The following PIK3C2B variants were observed in gnomAD, a reference collection of about 807,000 sequenced individuals.
PIK3C2B encodes phosphatidylinositol 4-phosphate 3-kinase C2 domain-containing subunit beta.
A neutral mutation model predicts 184.3 loss-of-function variants in PIK3C2B; 83 were observed. The ratio of observed to expected loss-of-function variants is 0.45; its 90% CI spans 0.38 to 0.54. The LOEUF is 0.54. PIK3C2B is among the 20% of genes least tolerant of loss of function. The pLI is 0.00. For synonymous variants in PIK3C2B, 779 were observed against 837.6 expected, an observed-to-expected ratio of 0.93 and a Z score of 1.21; for missense variants, 1,736 against 2,113.5, an observed-to-expected ratio of 0.82 and a Z score of 3.50.
rs1654136749 is a variant in PIK3C2B, at chr1:204,449,211, G to A, written c.2320C>T (p.His774Tyr). ...TGCAGGATGACACTGTCTGGCTGGT[G>A]GAAATTAGGTGCACTCCAACGGGCG... The part of the protein sequence containing the change: ...PSARWSAPNF[H>Y]QPDSVILQID... The change falls in exon 14 of 33, where the codon CAC (histidine) becomes TAC (tyrosine). Residue 774 changes from histidine (H) to tyrosine (Y), a missense_variant. His to Tyr is a moderately conservative substitution (Grantham distance 83, BLOSUM62 2). Around this residue, in one of 8 missense-constraint regions of PIK3C2B, gnomAD observed 609 missense variants for 699.2 expected, o/e 0.87. Transcript: ENST00000684373. The A allele has an allele frequency of 6.2e-7, 1 of 1,612,410 alleles. No homozygotes were observed. The highest frequency in any genetic ancestry group is 8.5e-7 in the Non-Finnish European group (1 of 1,179,534).
In PIK3C2B at chr1:204,446,735, G is replaced by C. The variant is rs373996517; in HGVS notation, c.2490-591C>G. Among the ~76,000 whole-genome samples, 105 of 152,296 alleles carry C rather than the reference G, an allele frequency of 6.9e-4. 2 individuals carry two copies. The South Asian group carries it at 0.021, about 30-fold the overall frequency. Reference sequence around the variant, plus strand: ...TAATGAAGTGTAGTCGGCAGAGTGGGGGAAGGGAGGTCTGCGGTCGCTCAG... The same window carrying C: ...TAATGAAGTGTAGTCGGCAGAGTGGCGGAAGGGAGGTCTGCGGTCGCTCAG... On this transcript the variant is annotated intron_variant, in intron 15 of 32. Coordinates refer to ENST00000684373, the MANE Select transcript of PIK3C2B (RefSeq NM_001377334.1).
intron 2 of PIK3C2B, among the ~76,000 whole-genome samples, chr1:204,466,230 G>A (rs1284757508): frequency 6.6e-6 from 1 of 152,216 alleles, no homozygotes; most frequent in African/African-American, 2.4e-5. Context: ...GGCCACACCA[G>A]GGACGAGGCT....
rs55740285 is a variant in PIK3C2B at position 204,437,517 on chromosome 1, A to ACAAC, written c.3516+1417_3516+1418insGTTG. 1.5e-3 allele frequency among the ~76,000 whole-genome samples: 220 copies of ACAAC among 151,474 alleles called. 2 individuals carry two copies. In the Middle Eastern group the frequency reaches 0.034, roughly 23 times the overall value. ...TCTCAAAACAACAACAACAACAACA[A>ACAAC]AACACCTCTGAAATCAAGCAGAGGC... On this transcript the variant is annotated intron_variant, in intron 23 of 32. Coordinates refer to ENST00000684373, the MANE Select transcript of PIK3C2B (RefSeq NM_001377334.1).
chr1:204,431,756 T>C lies in PIK3C2B; in HGVS notation c.4193A>G (p.Glu1398Gly). 6.2e-7 allele frequency: 1 copy of C among 1,614,182 alleles called. No individual in the cohort carries two copies. The highest frequency in any genetic ancestry group is 1.1e-5 in the South Asian group (1 of 91,082). The change falls in exon 28 of 33, where the codon GAG (glutamate) becomes GGG (glycine). Residue 1398 changes from glutamate to glycine, a missense_variant. Glu to Gly is a moderately conservative substitution (Grantham distance 98). Around this residue, in one of 8 missense-constraint regions of PIK3C2B, gnomAD observed 200 missense variants for 199.1 expected, o/e 1.00. Transcript: ENST00000684373. Reference sequence around the variant, plus strand: ...AAAGGTCCGCTGGATGTAGGTGGCCTCGTGAGTGTTCTCTCGCATCACCTT... The same window carrying C: ...AAAGGTCCGCTGGATGTAGGTGGCCCCGTGAGTGTTCTCTCGCATCACCTT... The part of the protein sequence containing the change: ...VVKVMRENTH[E>G]ATYIQRTFEE...
At position 204,433,565 on chromosome 1, in the gene PIK3C2B, GCTGGAGGGCCACAGGAA is replaced by G. The variant is rs1160160286; in HGVS notation, c.3844-157_3844-141del. 2.8e-6 allele frequency: 2 copies of G among 711,194 alleles called. No homozygotes were observed. Among genetic ancestry groups the G allele is most frequent in the African/African-American group, 3.6e-5 (2 of 56,336 alleles). The allele number at this position is 711,194 out of a possible 1,614,324, so 44.1% of individuals were successfully genotyped here. Reference sequence around the variant, plus strand: ...TGGTAGACAGATGCTGTGGGCAGTGGCTGGAGGGCCACAGGAACTGAAGGGCTGGAGCAGGGAGTCAG... The same window carrying G: ...TGGTAGACAGATGCTGTGGGCAGTGGCTGAAGGGCTGGAGCAGGGAGTCAG... On this transcript the variant is annotated intron_variant, in intron 25 of 32. Transcript: ENST00000684373. The surrounding 1 kb of genome is among the most constrained non-coding windows in gnomAD (Gnocchi z 5.0).
At chr1:204,436,003 C>T (rs1351128781) in intron 23 of PIK3C2B, among the ~76,000 whole-genome samples, 1 of 152,184 alleles carries the variant, frequency 6.6e-6, no homozygotes, top group Non-Finnish European at 1.5e-5. Context: ...TAAATGAATC[C>T]TATTTTGGCT....
chr1:204,477,281 G>A lies in PIK3C2B; in HGVS notation c.-84-7395C>T, dbSNP rs189587620. On this transcript the variant is annotated intron_variant, in intron 1 of 32. Transcript: ENST00000684373. ...GAGTCCCTGGATGCTGGATGCTTCA[G>A]TAGCCCCTAAAGTGATTCAAATGTG... is the stretch of plus-strand genomic sequence containing the variant. 3.8e-3 allele frequency among the ~76,000 whole-genome samples: 582 copies of A among 152,296 alleles called. 4 individuals are homozygous for A. Among genetic ancestry groups the A allele is most frequent in the African/African-American group, 0.013 (561 of 41,568 alleles).
At chr1:204,444,553 A>C in intron 16 of PIK3C2B, 129 bp from the exon 17 acceptor site, 1 of 646,350 alleles carries the variant, frequency 1.5e-6, no homozygotes. Flanking sequence ...ATTCTGCTAA[A>C]GTCACTAGAA....
Position 204,422,997 on chromosome 1 carries a change from G to C in PIK3C2B, c.*1855C>G, listed in dbSNP as rs1674567773. Reference sequence around the variant, plus strand: ...GGAGTTTCTGATCCTTGGAATTAGGGAGGGACAGTTTACAGAATGTCCTCA... The same window carrying C: ...GGAGTTTCTGATCCTTGGAATTAGGCAGGGACAGTTTACAGAATGTCCTCA... On this transcript the variant is annotated 3_prime_UTR_variant, in exon 33 of 33. Coordinates refer to ENST00000684373, the MANE Select transcript of PIK3C2B (RefSeq NM_001377334.1). 3 of 152,348 alleles carry C rather than the reference G, an allele frequency of 2.0e-5. No individual in the cohort carries two copies. In the South Asian group the frequency reaches 6.2e-4, roughly 32 times the overall value. 9.4% of individuals were successfully genotyped at this position (152,348 alleles called of 1,614,324 possible).
At chr1:204,457,999 G>A (rs1000201628) in intron 8 of PIK3C2B, 125 bp from the exon 9 acceptor site, 4 of 749,656 alleles carry the variant, frequency 5.3e-6, no homozygotes, top group Non-Finnish European at 8.5e-6. Context: ...ATCCTCAGGG[G>A]TAAATGTGCA....
In PIK3C2B at chr1:204,442,626, A is replaced by G. The variant is rs1675727909; in HGVS notation, c.3056T>C (p.Leu1019Pro). 3 of 1,550,070 alleles carry G rather than the reference A, an allele frequency of 1.9e-6. No homozygotes were observed. ...EAAPSARQGI[L>P]RTGLEEVKQF... Reference sequence around the variant, plus strand: ...CTTCACCTCCTCCAGGCCCGTGCGGAGGATTCCCTGGAAAGAAGGGGAGGA... The same window carrying G: ...CTTCACCTCCTCCAGGCCCGTGCGGGGGATTCCCTGGAAAGAAGGGGAGGA... Residue 1019 changes from leucine to proline, a missense_variant, in exon 20 of 33, where the codon CTC becomes CCC. By Grantham distance (98) the Leu-to-Pro change is moderately conservative. Coordinates refer to ENST00000684373, the MANE Select transcript of PIK3C2B (RefSeq NM_001377334.1).
chr1:204,455,116 G>A (rs924693451), intron 11 of PIK3C2B, among the ~76,000 whole-genome samples: 4 of 152,226 alleles, frequency 2.6e-5, no homozygotes, highest in African/African-American at 9.6e-5. Context: ...GCGTGTGTGC[G>A]CGTGCACGTG....
intron 1 of PIK3C2B, among the ~76,000 whole-genome samples, chr1:204,482,125 G>A (rs1657214243): frequency 1.2e-5 from 1 of 86,660 alleles, no homozygotes; most frequent in African/African-American, 6.0e-5. Flanking sequence ...GGGGGGGGGG[G>A]GTGCTCTCTA....
rs1016267103 is a variant in PIK3C2B at position 204,447,634 on chromosome 1, C to T, written c.2347-56G>A. On this transcript the variant is annotated intron_variant, in intron 14 of 32. Coordinates refer to ENST00000684373, the MANE Select transcript of PIK3C2B (RefSeq NM_001377334.1). This position sits in a 1 kb window ranked among gnomAD's most constrained non-coding sequence, Gnocchi z 4.1. The stretch of plus-strand genomic sequence containing the variant: ...GAAAACAGGCAGCGTGTGTGGACTC[C>T]CAGCTTCTTTCTCTCACCCCAGCAT... 16 of 1,323,682 alleles carry T rather than the reference C, an allele frequency of 1.2e-5. No individual in the cohort carries two copies. The highest frequency in any genetic ancestry group is 1.7e-5 in the Non-Finnish European group (16 of 935,496). The allele number at this position is 1,323,682 out of a possible 1,614,324, so 82.0% of individuals were successfully genotyped here.
At chr1:204,429,696 G>A (rs1674935456) in intron 29 of PIK3C2B, among the ~76,000 whole-genome samples, 2 of 148,206 alleles carry the variant, frequency 1.3e-5, no homozygotes, top group South Asian at 4.2e-4. Flanking sequence ...CATGTGCCTC[G>A]ATGCATTCAC....
intron 20 of PIK3C2B, 43 bp downstream of exon 20, chr1:204,442,483 G>A (rs1426228256): frequency 1.5e-6 from 2 of 1,318,718 alleles, no homozygotes; most frequent in Non-Finnish European, 2.1e-6. Context: ...CACCTCCACT[G>A]AGCCCTCCCA....
chr1:204,472,099 T>C (rs556678391), intron 1 of PIK3C2B, among the ~76,000 whole-genome samples: 160 of 152,082 alleles, frequency 1.1e-3, no homozygotes, highest in African/African-American at 3.6e-3. Flanking sequence ...CAAATGGTGG[T>C]AACGACAAGG....
chr1:204,476,142 T>C (rs886142122), intron 1 of PIK3C2B, among the ~76,000 whole-genome samples: 58 of 152,136 alleles, frequency 3.8e-4, no homozygotes, highest in Non-Finnish European at 1.5e-5. Flanking sequence ...CCTGGCTTCC[T>C]CTAAAAATTC....
intron 3 of PIK3C2B, 151 bp from the exon 4 acceptor site, chr1:204,464,755 G>C: frequency 1.5e-6 from 1 of 659,648 alleles, no homozygotes; most frequent in Non-Finnish European, 2.6e-6. Context: ...TGGGGGCAGT[G>C]GGGTAGCAGC....
Sources: gnomAD v4.1 joint callset for allele counts (sites outside exome capture counted in the v4.1 genomes callset) on GRCh38, gnomAD v4.1.1 for gene constraint, gnomAD v4.1.1 regional missense constraint, Gnocchi (gnomAD v3.1) non-coding constraint, MANE v1.5 for transcripts, NCBI Gene and HGNC (gene_info 2026-07-23, HGNC 2026-07-21) for gene names.